Variants in MRPL48 observed in about 807,000 individuals in gnomAD.
MRPL48 encodes the protein mitochondrial ribosomal protein L48, also known as large ribosomal subunit protein mL48.
In MRPL48, 16 loss-of-function variants were observed where a neutral mutation model predicts 32.9. The ratio of observed to expected loss-of-function variants is 0.49; its 90% confidence interval spans 0.33 to 0.74. MRPL48 has a LOEUF of 0.74. Ranked by LOEUF, MRPL48 falls within the 30% of genes least tolerant of loss-of-function variation. MRPL48 has a pLI of 0.02. For synonymous variants in MRPL48, 94 were observed against 89.2 expected, an observed-to-expected ratio of 1.05 and a Z score of -0.31; for missense variants, 206 against 245.3, an observed-to-expected ratio of 0.84 and a Z score of 1.07.
At chr11:73,819,483 A>G (rs1025205457) in intron 3 of MRPL48, among the ~76,000 whole-genome samples, 1 of 152,194 alleles carries the variant, frequency 6.6e-6, no homozygotes, top group Non-Finnish European at 1.5e-5. Context: ...TATTGGAGGC[A>G]TGATAGAGCT....
intron 6 of MRPL48, among the ~76,000 whole-genome samples, chr11:73,862,567 C>T (rs1948601463): frequency 6.6e-6 from 1 of 152,094 alleles, no homozygotes; most frequent in Non-Finnish European, 1.5e-5. Context: ...CCACTTCACT[C>T]CAGCCTGGGG....
At chr11:73,802,774 A>C (rs1947382340) in intron 1 of MRPL48, among the ~76,000 whole-genome samples, 1 of 151,292 alleles carries the variant, frequency 6.6e-6, no homozygotes, top group Admixed American at 6.6e-5. Context: ...GTCACGGCTT[A>C]TTGCAGCCTC....
At chr11:73,853,240 G>T (rs1361116890) in intron 5 of MRPL48, among the ~76,000 whole-genome samples, 2 of 152,166 alleles carry the variant, frequency 1.3e-5, no homozygotes, top group African/African-American at 2.4e-5. Flanking sequence ...AACTAAAAGA[G>T]TATAGTTGGA....
intron 5 of MRPL48, among the ~76,000 whole-genome samples, chr11:73,847,060 C>T (rs1365817298): frequency 6.6e-6 from 1 of 151,524 alleles, no homozygotes; most frequent in Non-Finnish European, 1.5e-5. Flanking sequence ...TCCCTCCAAC[C>T]TCCAATCTCG....
intron 3 of MRPL48, among the ~76,000 whole-genome samples, chr11:73,818,349 G>GA (rs1479214999): frequency 6.6e-6 from 1 of 152,144 alleles, no homozygotes; most frequent in African/African-American, 2.4e-5. Flanking sequence ...AAAGAGACAA[G>GA]ACGAAGGGAA....
In MRPL48 at chr11:73,825,777, A is replaced by G; in HGVS notation, c.182A>G (p.His61Arg). Reference sequence around the variant, plus strand: ...ACCCACGGCATTGGAAAGTACAAGCACTTAATTAAAGCAGAAGAGGTAACG... The same window carrying G: ...ACCCACGGCATTGGAAAGTACAAGCGCTTAATTAAAGCAGAAGAGGTAACG... ...KPTHGIGKYK[H>R]LIKAEEPKKK... is the part of the protein sequence containing the mutation. Residue 61 changes from histidine to arginine, a missense_variant, in exon 4 of 8, where the codon CAC (histidine) becomes CGC (arginine). His to Arg is a conservative substitution (Grantham distance 29, BLOSUM62 0). Coordinates refer to ENST00000310614, the MANE Select transcript of MRPL48 (RefSeq NM_016055.6). 1 of 1,565,566 alleles carries G rather than the reference A, an allele frequency of 6.4e-7. No individual in the cohort carries two copies. The highest frequency in any genetic ancestry group is 8.7e-7 in the Non-Finnish European group (1 of 1,155,072).
intron 3 of MRPL48, among the ~76,000 whole-genome samples, chr11:73,825,284 A>ATGTGTGTGTG (rs66515925): frequency 4.9e-4 from 69 of 139,904 alleles, no homozygotes; most frequent in South Asian, 2.2e-3. Flanking sequence ...TTTTTTATAT[A>ATGTGTGTGTG]TGTGTGTGTG....
At chr11:73,828,262 C>T (rs1196100855) in intron 4 of MRPL48, among the ~76,000 whole-genome samples, 1 of 150,056 alleles carries the variant, frequency 6.7e-6, no homozygotes, top group African/African-American at 2.5e-5. Context: ...AATCTCTCTG[C>T]CGCACAGGCT....
At chr11:73,808,467 C>T in intron 3 of MRPL48, 117 bp downstream of exon 3, 1 of 965,668 alleles carries the variant, frequency 1.0e-6, no homozygotes, top group Non-Finnish European at 1.6e-6. Flanking sequence ...CTGAACCAAA[C>T]CCCACCCCTC....
At chr11:73,840,996 A>T (rs1048095546) in intron 4 of MRPL48, among the ~76,000 whole-genome samples, 1 of 152,192 alleles carries the variant, frequency 6.6e-6, no homozygotes, top group Non-Finnish European at 1.5e-5. Flanking sequence ...ATTACAAAAG[A>T]TAGTATCCAA....
At chr11:73,788,096 C>T (rs567976206) in intron 1 of MRPL48, 104 bp downstream of exon 1, 549 of 1,531,204 alleles carry the variant, frequency 3.6e-4, no homozygotes, top group Non-Finnish European at 4.5e-4. Flanking sequence ...GCGCGGACAT[C>T]CGGGGATGAG....
chr11:73,808,411 T>TA (rs148623329), intron 3 of MRPL48, 61 bp downstream of exon 3: 15,455 of 1,502,916 alleles, frequency 0.01, 188 homozygotes, highest in Middle Eastern at 0.039. Flanking sequence ...CACTCTATAA[T>TA]AATTTTGCCT....
At chr11:73,790,688 A>C (rs1208132051) in intron 1 of MRPL48, among the ~76,000 whole-genome samples, 3 of 151,116 alleles carry the variant, frequency 2.0e-5, no homozygotes, top group Non-Finnish European at 4.4e-5. Context: ...CTGGCCGCTC[A>C]GCTAATTTTT....
intron 4 of MRPL48, among the ~76,000 whole-genome samples, chr11:73,831,760 G>A (rs1378457509): frequency 6.6e-6 from 1 of 151,828 alleles, no homozygotes; most frequent in Non-Finnish European, 1.5e-5. Flanking sequence ...GACCACCATG[G>A]TGAAACTCCA....
chr11:73,858,047 C>A (rs1403674730), intron 5 of MRPL48, among the ~76,000 whole-genome samples: 4 of 152,218 alleles, frequency 2.6e-5, no homozygotes, highest in Non-Finnish European at 5.9e-5. Flanking sequence ...CCACTTTAGT[C>A]AGTCCTATCT....
Position 73,864,275 on chromosome 11 carries a change from TTTTC to T in MRPL48, c.565-17_565-14del, listed in dbSNP as rs769992272. ...AAAGCTCTGCAGTAATTACCGCTTATTTTCTTTTTCTTCTCCTTAGCACACTGAA... is the reference window on the plus strand; with the variant it reads ...AAAGCTCTGCAGTAATTACCGCTTATTTTTTCTTCTCCTTAGCACACTGAA... On this transcript the variant is annotated splice_polypyrimidine_tract_variant and intron_variant, in intron 7 of 7. Coordinates refer to ENST00000310614, the MANE Select transcript of MRPL48 (RefSeq NM_016055.6). 6.2e-7 allele frequency: 1 copy of T among 1,609,640 alleles called. No individual in the cohort carries two copies. Among genetic ancestry groups the T allele is most frequent in the Admixed American group, 1.7e-5 (1 of 59,416 alleles).
chr11:73,853,939 C>T (rs1948444956), intron 5 of MRPL48, among the ~76,000 whole-genome samples: 1 of 152,006 alleles, frequency 6.6e-6, no homozygotes, highest in Non-Finnish European at 1.5e-5. Context: ...ATCCGCCCAC[C>T]TCGGCCTCCC....
chr11:73,840,497 T>G (rs1230775061), intron 4 of MRPL48, among the ~76,000 whole-genome samples: 1 of 151,990 alleles, frequency 6.6e-6, no homozygotes, highest in Non-Finnish European at 1.5e-5. Flanking sequence ...CTGTTGTTGT[T>G]TTTTGTTTTT....
At chr11:73,863,029 C>G in intron 6 of MRPL48, 143 bp from the exon 7 acceptor site, 1 of 714,918 alleles carries the variant, frequency 1.4e-6, no homozygotes, top group Non-Finnish European at 2.4e-6. Flanking sequence ...GAGGCCAGCT[C>G]AGAAACCAGT....
Sources: gnomAD v4.1 joint callset for allele counts (sites outside exome capture counted in the v4.1 genomes callset) on GRCh38, gnomAD v4.1.1 for gene constraint, MANE v1.5 for transcripts, NCBI Gene and HGNC (gene_info 2026-07-23, HGNC 2026-07-21) for gene names.